The following HS3ST4 variants were observed in gnomAD, a reference collection of about 807,000 sequenced individuals.
The protein encoded by HS3ST4 is heparan sulfate glucosamine 3-O-sulfotransferase 4.
HS3ST4 carries 17 observed loss-of-function variants against 29.2 expected under a neutral mutation model. That is an observed-to-expected ratio of 0.58 (90% CI 0.40 to 0.87). The LOEUF (loss-of-function observed/expected upper bound fraction) is 0.87, where lower values mean the gene tolerates loss of function less well. HS3ST4 is among the 40% of genes least tolerant of loss of function. The pLI is 0.00. For synonymous variants in HS3ST4, 314 were observed against 285.7 expected (o/e 1.10, Z -1.00); for missense variants, 627 against 634.5 (o/e 0.99, Z 0.13).
At chr16:25,978,936 C>CTTTTTT (rs1183206964) in intron 1 of HS3ST4, among the ~76,000 whole-genome samples, 1 of 57,022 alleles carries the variant, frequency 1.8e-5, no homozygotes, top group Non-Finnish European at 3.5e-5. Context: ...TGTTCTTTCT[C>CTTTTTT]TTTTTGTTTT....
intron 1 of HS3ST4, among the ~76,000 whole-genome samples, chr16:26,108,216 T>G (rs1398711877): frequency 6.6e-6 from 1 of 152,174 alleles, no homozygotes; most frequent in Non-Finnish European, 1.5e-5. Context: ...TTGAGCCTTT[T>G]TTCATATATT....
chr16:25,776,928 T>G (rs1966848025), intron 1 of HS3ST4, among the ~76,000 whole-genome samples: 2 of 152,244 alleles, frequency 1.3e-5, no homozygotes, highest in Non-Finnish European at 2.9e-5. Flanking sequence ...ATTGAATACG[T>G]TCTGTTTTTA....
intron 1 of HS3ST4, among the ~76,000 whole-genome samples, chr16:25,943,490 T>C (rs1483708409): frequency 3.9e-5 from 6 of 152,214 alleles, no homozygotes; most frequent in Middle Eastern, 3.2e-3. Flanking sequence ...TTTGGGGCTA[T>C]TGAAAATATG....
chr16:26,120,087 G>A (rs1288069774), intron 1 of HS3ST4, among the ~76,000 whole-genome samples: 3 of 132,040 alleles, frequency 2.3e-5, no homozygotes, highest in Admixed American at 7.8e-5. Context: ...GTGTGTGTGT[G>A]TGTGTATATG....
At chr16:25,864,568 C>T (rs1335688906) in intron 1 of HS3ST4, among the ~76,000 whole-genome samples, 1 of 152,094 alleles carries the variant, frequency 6.6e-6, no homozygotes, top group Non-Finnish European at 1.5e-5. Flanking sequence ...TCCCTTTCCC[C>T]TGGGAACTGC....
At chr16:26,091,035 G>A (rs565935328) in intron 1 of HS3ST4, among the ~76,000 whole-genome samples, 10 of 152,278 alleles carry the variant, frequency 6.6e-5, no homozygotes, top group East Asian at 1.9e-4. Flanking sequence ...AATCTGTGCT[G>A]TTTTATTTAT....
At chr16:25,871,903 G>A (rs903452628) in intron 1 of HS3ST4, among the ~76,000 whole-genome samples, 1 of 151,526 alleles carries the variant, frequency 6.6e-6, no homozygotes, top group Non-Finnish European at 1.5e-5. Flanking sequence ...TCACTCTACT[G>A]TATGGGAACA....
At chr16:25,939,225 C>A (rs1006261811) in intron 1 of HS3ST4, among the ~76,000 whole-genome samples, 3 of 151,958 alleles carry the variant, frequency 2.0e-5, no homozygotes, top group African/African-American at 4.8e-5. Flanking sequence ...CCAAAGTAAC[C>A]AGATCTTACA....
At chr16:25,793,461 G>GT (rs1966874857) in intron 1 of HS3ST4, among the ~76,000 whole-genome samples, 1 of 151,870 alleles carries the variant, frequency 6.6e-6, no homozygotes, top group South Asian at 2.1e-4. Flanking sequence ...TATGTGACAT[G>GT]TTATTAGTTG....
At chr16:25,751,239 C>G (rs573157887) in intron 1 of HS3ST4, among the ~76,000 whole-genome samples, 10 of 152,114 alleles carry the variant, frequency 6.6e-5, no homozygotes, top group Non-Finnish European at 1.2e-4. Flanking sequence ...AATATTTCCT[C>G]TGAAAGTGCG....
intron 1 of HS3ST4, among the ~76,000 whole-genome samples, chr16:26,094,156 A>G (rs1898894348): frequency 6.6e-6 from 1 of 152,184 alleles, no homozygotes; most frequent in South Asian, 2.1e-4. Flanking sequence ...CCTGAAAGTG[A>G]TGGGGAGAAT....
At chr16:25,980,180 C>T (rs1968989782) in intron 1 of HS3ST4, among the ~76,000 whole-genome samples, 1 of 152,084 alleles carries the variant, frequency 6.6e-6, no homozygotes, top group South Asian at 2.1e-4. Flanking sequence ...AAGTCTGAAC[C>T]TCCTAGGAGT....
chr16:25,928,576 A>G (rs1311826361), intron 1 of HS3ST4, among the ~76,000 whole-genome samples: 1 of 152,180 alleles, frequency 6.6e-6, no homozygotes, highest in Non-Finnish European at 1.5e-5. Context: ...TTTGCTTCCA[A>G]GATAGAGTAC....
At chr16:25,951,464 G>T (rs749619451) in intron 1 of HS3ST4, among the ~76,000 whole-genome samples, 5 of 152,106 alleles carry the variant, frequency 3.3e-5, no homozygotes, top group African/African-American at 4.8e-5. Context: ...TCTTGATGAG[G>T]ATACAAGATA....
intron 1 of HS3ST4, among the ~76,000 whole-genome samples, chr16:25,782,341 CTTGCTT>C (rs755078926): frequency 2.0e-5 from 3 of 152,178 alleles, no homozygotes; most frequent in African/African-American, 7.2e-5. Flanking sequence ...CCTCCTGGCT[CTTGCTT>C]TTGCTAGTGT....
chr16:26,032,496 G>C lies in HS3ST4; in HGVS notation c.735-103116G>C, dbSNP rs1048647739. On this transcript the variant is annotated intron_variant, in intron 1 of 1. Coordinates refer to ENST00000331351, the MANE Select transcript of HS3ST4 (RefSeq NM_006040.3). Reference sequence around the variant, plus strand: ...TTGATAAAAAATAGTATTCCAAACTGTACAGTCACCAGAAGTACACAGTTA... The same window carrying C: ...TTGATAAAAAATAGTATTCCAAACTCTACAGTCACCAGAAGTACACAGTTA... 4 of 1,228,454 alleles carry C rather than the reference G, an allele frequency of 3.3e-6. No homozygotes were observed. The African/African-American group carries it at 4.5e-5, about 14-fold the overall frequency. The allele number at this position is 1,228,454 out of a possible 1,614,324, so 76.1% of individuals were successfully genotyped here.
intron 1 of HS3ST4, among the ~76,000 whole-genome samples, chr16:25,765,645 C>T (rs981522334): frequency 6.6e-6 from 1 of 152,192 alleles, no homozygotes; most frequent in African/African-American, 2.4e-5. Flanking sequence ...GGCTTCAGAG[C>T]ATTTCTTGGT....
At chr16:26,122,221 G>A (rs1253320406) in intron 1 of HS3ST4, among the ~76,000 whole-genome samples, 2 of 148,992 alleles carry the variant, frequency 1.3e-5, no homozygotes, top group African/African-American at 2.5e-5. Context: ...ACATGCACAC[G>A]CATACACACA....
intron 1 of HS3ST4, among the ~76,000 whole-genome samples, chr16:25,705,911 G>A (rs1966373061): frequency 6.6e-6 from 1 of 152,142 alleles, no homozygotes; most frequent in Non-Finnish European, 1.5e-5. Context: ...ACATATGTTA[G>A]TTGTTATTAA....
Sources: allele counts gnomAD v4.1 joint callset (sites outside exome capture counted in the v4.1 genomes callset), GRCh38; gene constraint gnomAD v4.1.1; transcripts MANE v1.5; gene names NCBI Gene and HGNC (gene_info 2026-07-23, HGNC 2026-07-21).